ZC3H7B: variants seen among roughly 807,000 people sequenced by gnomAD.
ZC3H7B encodes zinc finger CCCH domain-containing protein 7B.
ZC3H7B carries 35 observed loss-of-function variants against 116.0 expected under a neutral mutation model. The ratio of observed to expected loss-of-function variants is 0.30; its 90% CI spans 0.23 to 0.40. The LOEUF (loss-of-function observed/expected upper bound fraction) is 0.40. ZC3H7B is among the 10% of genes least tolerant of loss of function. The pLI is 1.00. For missense variants in ZC3H7B, 1,011 were observed against 1,321.5 expected, an observed-to-expected ratio of 0.77 and a Z score of 3.64; for synonymous variants, 502 against 545.6, an observed-to-expected ratio of 0.92 and a Z score of 1.11.
chr22:41,310,517 A>G (rs1159087671), intron 1 of ZC3H7B, among the ~76,000 whole-genome samples: 2 of 152,000 alleles, frequency 1.3e-5, no homozygotes, highest in Non-Finnish European at 2.9e-5. Context: ...AGCACTGGAA[A>G]CTCTCTTGAT....
chr22:41,353,431 G>C (rs1257244947), intron 17 of ZC3H7B, among the ~76,000 whole-genome samples: 1 of 152,252 alleles, frequency 6.6e-6, no homozygotes. Context: ...TGGGTGTGAG[G>C]CTCACAGGAG....
rs2036635678 is a variant in ZC3H7B at position 41,349,845 on chromosome 22, G to A, written c.1948+544G>A. On this transcript the variant is annotated intron_variant, in intron 16 of 22. Coordinates refer to ENST00000352645, the MANE Select transcript of ZC3H7B (RefSeq NM_017590.6). The surrounding 1 kb of genome is among the most constrained non-coding windows in gnomAD (Gnocchi z 4.9). ...TACATTTATAAGTGGGGGCCAGACA[G>A]ATAATATATCAACAGGTGAATAAAT... Among the ~76,000 whole-genome samples, 1 of 152,252 alleles carries A rather than the reference G, an allele frequency of 6.6e-6. No individual in the cohort carries two copies. The highest frequency in any genetic ancestry group is 1.5e-5 in the Non-Finnish European group (1 of 68,040).
intron 11 of ZC3H7B, 56 bp from the exon 12 acceptor site, chr22:41,342,473 C>G: frequency 6.4e-7 from 1 of 1,565,128 alleles, no homozygotes; most frequent in African/African-American, 1.3e-5. Context: ...CTGGCTGGCC[C>G]CAGTGGCCTC....
At chr22:41,329,213 A>C (rs1265955748) in intron 5 of ZC3H7B, among the ~76,000 whole-genome samples, 1 of 150,796 alleles carries the variant, frequency 6.6e-6, no homozygotes. Context: ...TCAAAAAATC[A>C]AAAAGAAAGA....
chr22:41,329,730 G>A (rs1263981714), intron 5 of ZC3H7B, among the ~76,000 whole-genome samples: 1 of 152,160 alleles, frequency 6.6e-6, no homozygotes, highest in Non-Finnish European at 1.5e-5. Flanking sequence ...CAGTGACATT[G>A]TCACTTTTGC....
chr22:41,308,053 G>A (rs1215831669), intron 1 of ZC3H7B, among the ~76,000 whole-genome samples: 1 of 152,176 alleles, frequency 6.6e-6, no homozygotes, highest in Non-Finnish European at 1.5e-5. Flanking sequence ...GAAAAAGACT[G>A]AGGCATCATC....
intron 6 of ZC3H7B, among the ~76,000 whole-genome samples, chr22:41,331,415 G>GGC (rs372637874): frequency 6.7e-6 from 1 of 150,010 alleles, no homozygotes; most frequent in South Asian, 2.1e-4. Flanking sequence ...AATTAGCGGG[G>GGC]GTGGTAGCGA....
Position 41,302,385 on chromosome 22 carries a change from G to A in ZC3H7B, c.-7+613G>A, listed in dbSNP as rs542165709. Among the ~76,000 whole-genome samples, 1 of 152,104 alleles carries A rather than the reference G, an allele frequency of 6.6e-6. No homozygotes were observed. Among genetic ancestry groups the A allele is most frequent in the African/African-American group, 2.4e-5 (1 of 41,454 alleles). ...CCGCGGGAAGGGGGCGGCAGGAAAGGGGGGCGCGGTCTGGGCCTGCTGGGC... is the reference window on the plus strand; with the variant it reads ...CCGCGGGAAGGGGGCGGCAGGAAAGAGGGGCGCGGTCTGGGCCTGCTGGGC... On this transcript the variant is annotated intron_variant, in intron 1 of 22. Coordinates refer to ENST00000352645, the MANE Select transcript of ZC3H7B (RefSeq NM_017590.6). The surrounding 1 kb of genome is among the most constrained non-coding windows in gnomAD (Gnocchi z 5.7).
chr22:41,350,489 T>G (rs1219112750), intron 16 of ZC3H7B, among the ~76,000 whole-genome samples: 1 of 150,458 alleles, frequency 6.6e-6, no homozygotes. Flanking sequence ...CGGGCCAGGG[T>G]GGTGATGCTG....
intron 1 of ZC3H7B, among the ~76,000 whole-genome samples, chr22:41,307,644 C>T (rs1352647120): frequency 1.3e-5 from 2 of 152,154 alleles, no homozygotes; most frequent in Non-Finnish European, 2.9e-5. Context: ...AACAGCAGCC[C>T]CCATATGGTT....
At chr22:41,331,740 G>A (rs2036386999) in intron 6 of ZC3H7B, among the ~76,000 whole-genome samples, 1 of 151,844 alleles carries the variant, frequency 6.6e-6, no homozygotes, top group South Asian at 2.1e-4. Flanking sequence ...GTGTGGTGGT[G>A]CATGCCTGTA....
intron 11 of ZC3H7B, among the ~76,000 whole-genome samples, chr22:41,341,835 G>A (rs1028138768): frequency 1.3e-5 from 2 of 152,134 alleles, no homozygotes; most frequent in Non-Finnish European, 2.9e-5. Context: ...AGGCCGAGGT[G>A]TGCAGATCAC....
intron 12 of ZC3H7B, 49 bp from the exon 13 acceptor site, chr22:41,343,366 T>C (rs1883828): frequency 0.53 from 833,281 of 1,572,500 alleles, 227,011 homozygotes; most frequent in African/African-American, 0.75. Context: ...CAGCCATCAC[T>C]CTTCAATTCT....
intron 1 of ZC3H7B, among the ~76,000 whole-genome samples, chr22:41,315,434 C>G (rs999322869): frequency 1.3e-5 from 2 of 148,176 alleles, no homozygotes; most frequent in Non-Finnish European, 3.0e-5. Flanking sequence ...AAGCGATCCT[C>G]CCACCTCAGC....
Position 41,348,175 on chromosome 22 carries a change from G to A in ZC3H7B, c.1766+8G>A, listed in dbSNP as rs1332420614. The A allele has an allele frequency of 1.2e-6, 2 of 1,612,912 alleles. No individual in the cohort carries two copies. The highest frequency in any genetic ancestry group is 1.7e-6 in the Non-Finnish European group (2 of 1,179,300). On this transcript the variant is annotated splice_region_variant and intron_variant, in intron 15 of 22. Transcript: ENST00000352645. ...CAGCTTCTACAACAACAAGTGAGTGGGACCCTCAGCCCAGGCTGAGGCCTA... is the reference window on the plus strand; with the variant it reads ...CAGCTTCTACAACAACAAGTGAGTGAGACCCTCAGCCCAGGCTGAGGCCTA...
Position 41,341,118 on chromosome 22 carries a change from C to T in ZC3H7B, c.1169C>T (p.Pro390Leu). 6.2e-7 allele frequency: 1 copy of T among 1,614,002 alleles called. No individual in the cohort carries two copies. Among genetic ancestry groups the T allele is most frequent in the Non-Finnish European group, 8.5e-7 (1 of 1,179,894 alleles). Residue 390 changes from proline to leucine, a missense_variant, in exon 11 of 23, where the codon CCT (proline) becomes CTT (leucine). By Grantham distance (98) the Pro-to-Leu change is moderately conservative. Transcript: ENST00000352645. ...ACCAACTCACAGGACCACCGTCCCC[C>T]TAGCGGTGCTCAGAAACCAGCCCCC... ...EETNSQDHRP[P>L]SGAQKPAPSP... is the part of the protein sequence containing the mutation.
In ZC3H7B at chr22:41,301,697, C is replaced by G. The variant is rs890460284; in HGVS notation, c.-82C>G. Reference sequence around the variant, plus strand: ...CTCTTATTATTACTAATAATAATAACGTAATCATACCTCTAGTCATAGCAT... The same window carrying G: ...CTCTTATTATTACTAATAATAATAAGGTAATCATACCTCTAGTCATAGCAT... On this transcript the variant is annotated 5_prime_UTR_variant, in exon 1 of 23. Coordinates refer to ENST00000352645, the MANE Select transcript of ZC3H7B (RefSeq NM_017590.6). 6.6e-6 allele frequency: 1 copy of G among 152,108 alleles called. No individual in the cohort carries two copies. 9.4% of individuals were successfully genotyped at this position (152,108 alleles called of 1,614,324 possible).
In ZC3H7B at chr22:41,342,651, C is replaced by T. The variant is rs202231675; in HGVS notation, c.1297+23C>T. 3 of 1,590,782 alleles carry T rather than the reference C, an allele frequency of 1.9e-6. No homozygotes were observed. In the African/African-American group the frequency reaches 4.0e-5, roughly 21 times the overall value. The stretch of plus-strand genomic sequence containing the variant: ...CAGGTAAACTTTCACCTGTAGACTC[C>T]ACCCCTCTGCCCAGAGAACTGGGAA... On this transcript the variant is annotated intron_variant, in intron 12 of 22. Coordinates refer to ENST00000352645, the MANE Select transcript of ZC3H7B (RefSeq NM_017590.6).
chr22:41,341,192 G>A (rs1175122396), intron 11 of ZC3H7B, 46 bp downstream of exon 11: 3 of 1,610,572 alleles, frequency 1.9e-6, no homozygotes, highest in South Asian at 1.1e-5. Context: ...CCCTGCTGGG[G>A]GTTGTGGGTT....
Sources: gnomAD v4.1 joint callset for allele counts (sites outside exome capture counted in the v4.1 genomes callset) on GRCh38, gnomAD v4.1.1 for gene constraint, Gnocchi (gnomAD v3.1) non-coding constraint, MANE v1.5 for transcripts, NCBI Gene and HGNC (gene_info 2026-07-23, HGNC 2026-07-21) for gene names.